The following GLRA3 variants were observed in gnomAD, a reference collection of about 807,000 sequenced individuals.
The protein encoded by GLRA3 is glycine receptor subunit alpha-3.
GLRA3 carries 44 observed loss-of-function variants against 60.4 expected under a neutral mutation model. The ratio of observed to expected loss-of-function variants is 0.73; its 90% confidence interval spans 0.57 to 0.94. The LOEUF (loss-of-function observed/expected upper bound fraction) is 0.94, where lower values mean the gene tolerates loss of function less well. GLRA3 is among the 40% of genes least tolerant of loss of function. The pLI is 0.00. For synonymous variants in GLRA3, 223 were observed against 192.9 expected (o/e 1.16, Z -1.29); for missense variants, 508 against 564.6 (o/e 0.90, Z 1.02).
chr4:174,646,957 G>A (rs1301301736), intron 9 of GLRA3, among the ~76,000 whole-genome samples: 3 of 152,100 alleles, frequency 2.0e-5, no homozygotes, highest in African/African-American at 7.2e-5. Context: ...CCGGTTTTGA[G>A]GTAGCCAAAG....
intron 1 of GLRA3, among the ~76,000 whole-genome samples, chr4:174,819,485 A>G (rs1740646851): frequency 6.6e-6 from 1 of 152,166 alleles, no homozygotes; most frequent in African/African-American, 2.4e-5. Flanking sequence ...GACCATTCAA[A>G]TTCCATCCTC....
chr4:174,737,014 T>C (rs1367601123), intron 3 of GLRA3, among the ~76,000 whole-genome samples: 1 of 152,246 alleles, frequency 6.6e-6, no homozygotes. Flanking sequence ...AGCTTCATCT[T>C]GCATACAAGT....
At chr4:174,738,468 T>C (rs2046485) in intron 3 of GLRA3, among the ~76,000 whole-genome samples, 66,225 of 152,102 alleles carry the variant, frequency 0.44, 16,300 homozygotes, top group Middle Eastern at 0.61. Context: ...AAAATTTTGG[T>C]GTGTTCTTGC....
chr4:174,816,561 A>G (rs1217745009), intron 1 of GLRA3, among the ~76,000 whole-genome samples: 1 of 152,016 alleles, frequency 6.6e-6, no homozygotes, highest in Admixed American at 6.6e-5. Context: ...CCAAGTTACT[A>G]AAAGAATAAA....
rs112922048 is a variant in GLRA3 at position 174,753,801 on chromosome 4, T to G, written c.267+13162A>C. 6.5e-3 allele frequency among the ~76,000 whole-genome samples: 991 copies of G among 152,306 alleles called. 12 individuals are homozygous for G. The highest frequency in any genetic ancestry group is 0.024 in the Middle Eastern group (7 of 294). On this transcript the variant is annotated intron_variant, in intron 3 of 9. Transcript: ENST00000274093. ...ACATATCTTTGCCATTACATTTAAC[T>G]CTACAATCTTTATTTCTCTTTCCCA...
chr4:174,658,096 T>G (rs959023858), intron 8 of GLRA3, among the ~76,000 whole-genome samples: 2 of 152,142 alleles, frequency 1.3e-5, no homozygotes. Context: ...CCTTAAAAAA[T>G]TGAAACCTTT....
chr4:174,789,714 A>G (rs1739251040), intron 1 of GLRA3, among the ~76,000 whole-genome samples: 1 of 152,164 alleles, frequency 6.6e-6, no homozygotes, highest in Non-Finnish European at 1.5e-5. Context: ...CTCTTCACTT[A>G]CATAGCCTTC....
intron 2 of GLRA3, among the ~76,000 whole-genome samples, chr4:174,777,403 G>T (rs1478629234): frequency 6.6e-6 from 1 of 152,260 alleles, no homozygotes; most frequent in Admixed American, 6.5e-5. Context: ...AGAGGAACCT[G>T]AAAAGCATAT....
At chr4:174,733,162 G>C (rs1314736268) in intron 3 of GLRA3, among the ~76,000 whole-genome samples, 1 of 152,016 alleles carries the variant, frequency 6.6e-6, no homozygotes, top group African/African-American at 2.4e-5. Context: ...AGAGGAAAAA[G>C]GCCAAGAAAG....
At chr4:174,652,447 T>C (rs1221612879) in intron 9 of GLRA3, among the ~76,000 whole-genome samples, 1 of 152,036 alleles carries the variant, frequency 6.6e-6, no homozygotes, top group Non-Finnish European at 1.5e-5. Context: ...AGTAGTTTAG[T>C]TTACCCACAA....
chr4:174,725,581 A>G (rs1472912105), intron 4 of GLRA3, among the ~76,000 whole-genome samples: 1 of 152,132 alleles, frequency 6.6e-6, no homozygotes, highest in Non-Finnish European at 1.5e-5. Context: ...CTTAGGCTCA[A>G]GAGATCCTCC....
intron 1 of GLRA3, among the ~76,000 whole-genome samples, chr4:174,812,878 A>G (rs1407668219): frequency 1.3e-5 from 2 of 152,058 alleles, no homozygotes; most frequent in Non-Finnish European, 2.9e-5. Flanking sequence ...TGCCTAAACT[A>G]TTATAGGCAA....
intron 1 of GLRA3, among the ~76,000 whole-genome samples, chr4:174,817,187 G>C (rs1740539807): frequency 6.6e-6 from 1 of 152,152 alleles, no homozygotes; most frequent in Admixed American, 6.5e-5. Flanking sequence ...CAGGAAAACT[G>C]CAAAATCTTT....
chr4:174,752,208 G>C (rs185134094), intron 3 of GLRA3, among the ~76,000 whole-genome samples: 1 of 152,192 alleles, frequency 6.6e-6, no homozygotes, highest in East Asian at 1.9e-4. Flanking sequence ...ACGATGTAGG[G>C]TATATTAGCA....
intron 7 of GLRA3, among the ~76,000 whole-genome samples, chr4:174,675,491 TCTGA>T (rs1734083459): frequency 1.3e-5 from 2 of 152,152 alleles, no homozygotes; most frequent in African/African-American, 4.8e-5. Context: ...TTCTCCTTTT[TCTGA>T]CTGACAGCAT....
intron 5 of GLRA3, chr4:174,712,626 G>T (rs541788514): frequency 1.3e-5 from 2 of 151,964 alleles, no homozygotes; most frequent in Non-Finnish European, 2.9e-5. Context: ...TACTTCCCAC[G>T]TCTTAATATT....
intron 5 of GLRA3, among the ~76,000 whole-genome samples, chr4:174,689,210 T>C (rs780632283): frequency 3.3e-5 from 5 of 152,290 alleles, no homozygotes; most frequent in Non-Finnish European, 5.9e-5. Flanking sequence ...GGTTCTGTTA[T>C]TGAAATAGGA....
At chr4:174,779,110 G>T (rs567066539) in intron 2 of GLRA3, among the ~76,000 whole-genome samples, 1 of 152,226 alleles carries the variant, frequency 6.6e-6, no homozygotes, top group Middle Eastern at 3.5e-3. Context: ...CTCCCAGCAC[G>T]CAGCTGGAGA....
chr4:174,705,749 C>A (rs1735485396), intron 5 of GLRA3, among the ~76,000 whole-genome samples: 1 of 102,836 alleles, frequency 9.7e-6, no homozygotes, highest in Non-Finnish European at 2.2e-5. Context: ...ACAAAGAGAT[C>A]ACTGTCTTAA....
Sources: allele counts gnomAD v4.1 joint callset (sites outside exome capture counted in the v4.1 genomes callset), GRCh38; gene constraint gnomAD v4.1.1; transcripts MANE v1.5; gene names NCBI Gene and HGNC (gene_info 2026-07-23, HGNC 2026-07-21).